The following MEFV variants were observed in gnomAD, a reference collection of about 807,000 sequenced individuals.
MEFV encodes MEFV innate immunity regulator, pyrin.
A neutral mutation model predicts 62.5 loss-of-function variants in MEFV; 60 were observed. The observed-to-expected ratio is 0.96, with a 90% CI of 0.78 to 1.19. The LOEUF is 1.19. MEFV is among the 50% of genes most tolerant of loss of function. The pLI, the probability that MEFV is intolerant of heterozygous loss-of-function variation, is 0.00. For synonymous variants in MEFV, 500 were observed against 415.2 expected (o/e 1.20, Z -2.48); for missense variants, 1,169 against 1,004.5 (o/e 1.16, Z -2.21).
intron 2 of MEFV, 142 bp downstream of exon 2, chr16:3,254,016 C>T: frequency 1.1e-6 from 1 of 903,184 alleles, no homozygotes; most frequent in Non-Finnish European, 1.7e-6. Context: ...CTACATTCAC[C>T]AGGCTGGTCT....
intron 6 of MEFV, among the ~76,000 whole-genome samples, chr16:3,244,923 GAA>G (rs75994097): frequency 6.6e-6 from 1 of 151,574 alleles, no homozygotes; most frequent in South Asian, 2.1e-4. Context: ...GATAATAAAT[GAA>G]AAAAAAACAC....
chr16:3,255,856 C>A (rs1959108671), intron 1 of MEFV, among the ~76,000 whole-genome samples: 1 of 151,978 alleles, frequency 6.6e-6, no homozygotes, highest in Non-Finnish European at 1.5e-5. Context: ...AATCCCAGCA[C>A]TTTGGGAGGC....
At position 3,250,910 on chromosome 16, in the gene MEFV, G is replaced by A. The variant is rs567285754; in HGVS notation, c.911-1130C>T. Among the ~76,000 whole-genome samples, 5 of 150,832 alleles carry A rather than the reference G, an allele frequency of 3.3e-5. No individual in the cohort carries two copies. The East Asian group carries it at 9.9e-4, about 30-fold the overall frequency. On this transcript the variant is annotated intron_variant, in intron 2 of 9. Transcript: ENST00000219596. ...GTGGTGGTGGGCACCTGTAATCCCA[G>A]CTACTCGGGAGGCTGAGGCAGGAGA... is the stretch of plus-strand genomic sequence containing the variant.
chr16:3,244,887 C>A (rs1205778919), intron 6 of MEFV, among the ~76,000 whole-genome samples: 1 of 152,068 alleles, frequency 6.6e-6, no homozygotes, highest in Non-Finnish European at 1.5e-5. Flanking sequence ...TGATTATACA[C>A]CCCTTTCTTT....
At chr16:3,253,898 G>A (rs749016542) in intron 2 of MEFV, among the ~76,000 whole-genome samples, 1 of 152,110 alleles carries the variant, frequency 6.6e-6, no homozygotes, top group African/African-American at 2.4e-5. Context: ...AGATCCTCCC[G>A]TGCAGGCCTC....
Position 3,247,213 on chromosome 16 carries a change from T to C in MEFV, c.1390A>G (p.Arg464Gly), listed in dbSNP as rs747262548. The change falls in exon 5 of 10, where the codon AGG becomes GGG. Residue 464 changes from arginine to glycine, a missense_variant. Coordinates refer to ENST00000219596, the MANE Select transcript of MEFV (RefSeq NM_000243.3). ...QTEALKQRVQ[R>G]KLEQVYYFLE... ...AAGTAGTACACCTGCTCCAGCTTCCTCTGCACCCGCTGCTTCAGCGCTTCA... is the reference window on the plus strand; with the variant it reads ...AAGTAGTACACCTGCTCCAGCTTCCCCTGCACCCGCTGCTTCAGCGCTTCA... The C allele has an allele frequency of 6.2e-7, 1 of 1,614,144 alleles. No individual in the cohort carries two copies. The highest frequency in any genetic ancestry group is 2.2e-5 in the East Asian group (1 of 44,886).
intron 5 of MEFV, 81 bp from the exon 6 acceptor site, chr16:3,246,628 T>C (rs1958947461): frequency 6.6e-7 from 1 of 1,526,590 alleles, no homozygotes; most frequent in Non-Finnish European, 9.1e-7. Context: ...TCTGGGCTCC[T>C]GGACTTTTAG....
Position 3,243,430 on chromosome 16 carries a change from T to A in MEFV, c.2057A>T (p.Asn686Ile). 6.2e-7 allele frequency: 1 copy of A among 1,614,156 alleles called. No individual in the cohort carries two copies. The highest frequency in any genetic ancestry group is 8.5e-7 in the Non-Finnish European group (1 of 1,180,038). Residue 686 changes from asparagine to isoleucine, a missense_variant, in exon 10 of 10, where the codon AAT becomes ATT. Physicochemically the swap from Asn to Ile is moderately radical, Grantham distance 149. Coordinates refer to ENST00000219596, the MANE Select transcript of MEFV (RefSeq NM_000243.3). The part of the protein sequence containing the change: ...RKGNMTLSPE[N>I]GYWVVIMMKE... ...CATCATTATCACCACCCAGTAGCCA[T>A]TCTCTGGCGACAGAGTCATGTTCCC...
chr16:3,248,656 AG>A (rs532438486), intron 4 of MEFV: 2 of 1,136,562 alleles, frequency 1.8e-6, no homozygotes, highest in Non-Finnish European at 2.4e-6. Context: ...TCACCGGCAT[AG>A]GTTGCTCTCT....
chr16:3,248,511 A>AC (rs1567233997), intron 4 of MEFV: 1 of 260,868 alleles, frequency 3.8e-6, no homozygotes, highest in Non-Finnish European at 7.7e-6. Flanking sequence ...AATCGCTTGA[A>AC]CCCGGGAGGC....
In MEFV at chr16:3,243,660, G is replaced by T. The variant is rs104895135; in HGVS notation, c.1827C>A (p.Pro609=). 1.9e-6 allele frequency: 3 copies of T among 1,605,332 alleles called. No individual in the cohort carries two copies. The highest frequency in any genetic ancestry group is 1.7e-5 in the Admixed American group (1 of 58,798). Residue 609 remains proline, a synonymous_variant, in exon 10 of 10, where the codon CCC becomes CCA. Transcript: ENST00000219596. ...NVILDAETAY[P]NLIFSDDLKS... is the part of the protein sequence containing the mutation. The stretch of plus-strand genomic sequence containing the variant: ...TCAGATCATCAGAGAAGATGAGGTT[G>T]GGGTAAGCGGTTTCTGCATCCAGAA...
At chr16:3,244,028 C>G (rs778774139) in intron 8 of MEFV, 136 bp from the exon 9 acceptor site, 12 of 1,553,894 alleles carry the variant, frequency 7.7e-6, no homozygotes, top group Non-Finnish European at 1.0e-5. Context: ...GGTATAATCC[C>G]GTTCCTCCCA....
Position 3,243,249 on chromosome 16 carries a change from GC to G in MEFV, c.2237del (p.Cys746SerfsTer25). ...TAGGTTGAAGGGGCCCAGAGAAAGA[GC>G]AGCTGGCGAATGTATAGATGTGGGA... ...ARSHIYTFAS[C>X]SFSGPLQPIF... On this transcript the variant is annotated frameshift_variant, in exon 10 of 10. Transcript: ENST00000219596. LOFTEE classifies it low-confidence loss of function (END_TRUNC). 1 of 1,614,228 alleles carries G rather than the reference GC, an allele frequency of 6.2e-7. No homozygotes were observed. The highest frequency in any genetic ancestry group is 8.5e-7 in the Non-Finnish European group (1 of 1,180,044).
chr16:3,256,214 C>G, intron 1 of MEFV, 97 bp downstream of exon 1: 1 of 1,428,958 alleles, frequency 7.0e-7, no homozygotes, highest in South Asian at 1.2e-5. Flanking sequence ...ACTCCCAATC[C>G]CCAGGTCAGA....
At chr16:3,255,899 C>T (rs753741635) in intron 1 of MEFV, among the ~76,000 whole-genome samples, 7 of 151,934 alleles carry the variant, frequency 4.6e-5, no homozygotes, top group Non-Finnish European at 7.4e-5. Context: ...GTCAGGAGTT[C>T]GAGACCAGCC....
rs200766991 is a variant in MEFV at position 3,254,483 on chromosome 16, C to T, written c.585G>A (p.Glu195=). ...GCAGCCGGACCTCGGCCTGGCCCCC[C>T]TCTAGCGCCCTGCAGGGGCCGGGGC... is the stretch of plus-strand genomic sequence containing the variant. The part of the protein sequence containing the change: ...GRSPGPCRAL[E]GGQAEVRLRR... Residue 195 remains glutamate (E), a synonymous_variant, in exon 2 of 10, where the codon GAG becomes GAA. Transcript: ENST00000219596. The T allele has an allele frequency of 8.9e-4, 1,414 of 1,588,828 alleles. 6 individuals carry two copies. The African/African-American group carries it at 0.016, about 18-fold the overall frequency.
Position 3,254,658 on chromosome 16 carries a change from C to T in MEFV, c.410G>A (p.Gly137Asp), listed in dbSNP as rs750051449. The T allele has an allele frequency of 1.9e-6, 3 of 1,610,130 alleles. No individual in the cohort carries two copies. Among genetic ancestry groups the T allele is most frequent in the African/African-American group, 1.3e-5 (1 of 74,878 alleles). ...NEGNGPRPYG[G>D]GAASLRCSQP... The stretch of plus-strand genomic sequence containing the variant: ...GCTGCACCGCAGGCTGGCAGCTCCG[C>T]CCCCGTACGGCCGAGGGCCGTTCCC... The change falls in exon 2 of 10, where the codon GGC becomes GAC. Residue 137 changes from glycine to aspartate, a missense_variant. Physicochemically the swap from Gly to Asp is moderately conservative, Grantham distance 94 (BLOSUM62 -1). Coordinates refer to ENST00000219596, the MANE Select transcript of MEFV (RefSeq NM_000243.3).
chr16:3,249,098 A>C, intron 3 of MEFV, 94 bp from the exon 4 acceptor site: 1 of 1,286,464 alleles, frequency 7.8e-7, no homozygotes, highest in Non-Finnish European at 1.1e-6. Context: ...TTCTGGTAGC[A>C]AGGCTGAGGG....
In MEFV at chr16:3,247,227, T is replaced by G. The variant is rs770397296; in HGVS notation, c.1376A>C (p.Lys459Thr). 7 of 1,614,164 alleles carry G rather than the reference T, an allele frequency of 4.3e-6. No individual in the cohort carries two copies. The Admixed American group carries it at 1.2e-4, about 27-fold the overall frequency. Residue 459 changes from lysine (K) to threonine (T), a missense_variant, in exon 5 of 10, where the codon AAG becomes ACG. Lys to Thr is a moderately conservative substitution (Grantham distance 78). Coordinates refer to ENST00000219596, the MANE Select transcript of MEFV (RefSeq NM_000243.3). The stretch of plus-strand genomic sequence containing the variant: ...CTCCAGCTTCCTCTGCACCCGCTGC[T>G]TCAGCGCTTCAGTTTGTTTCTGGGG... ...VSFLKQTEAL[K>T]QRVQRKLEQV...
Sources: allele counts gnomAD v4.1 joint callset (sites outside exome capture counted in the v4.1 genomes callset), GRCh38; gene constraint gnomAD v4.1.1; transcripts MANE v1.5; gene names NCBI Gene and HGNC (gene_info 2026-07-23, HGNC 2026-07-21).